The following PDE4D variants were observed in gnomAD, a reference collection of about 807,000 sequenced individuals.
The protein encoded by PDE4D is 3',5'-cyclic-AMP phosphodiesterase 4D.
In PDE4D, 24 loss-of-function variants were observed where a neutral mutation model predicts 87.4. The ratio of observed to expected loss-of-function variants is 0.27; its 90% CI spans 0.20 to 0.39. The LOEUF (loss-of-function observed/expected upper bound fraction) is 0.39. Among genes scored for constraint, PDE4D ranks in the 10% least tolerant of loss-of-function variants. PDE4D has a pLI of 1.00. For missense variants in PDE4D, 714 were observed against 1,041.0 expected (o/e 0.69, Z 4.32); for synonymous variants, 384 against 383.2 (o/e 1.00, Z -0.02).
intron 1 of PDE4D, among the ~76,000 whole-genome samples, chr5:59,283,896 C>A (rs2591651): frequency 1.3e-5 from 2 of 152,054 alleles, no homozygotes; most frequent in Non-Finnish European, 2.9e-5. Context: ...CCCACAGACA[C>A]TGTTTAGCTA....
At chr5:59,419,020 GTT>G (rs1276272912) in intron 1 of PDE4D, among the ~76,000 whole-genome samples, 1 of 152,118 alleles carries the variant, frequency 6.6e-6, no homozygotes, top group African/African-American at 2.4e-5. Context: ...TTTCTTATCA[GTT>G]GATGTGATAG....
intron 2 of PDE4D, among the ~76,000 whole-genome samples, chr5:60,036,648 T>C (rs1767837961): frequency 6.6e-6 from 1 of 152,224 alleles, no homozygotes; most frequent in Non-Finnish European, 1.5e-5. Flanking sequence ...TAATAAGTCC[T>C]GAGTCTCCTT....
At chr5:59,303,380 G>C (rs963277148) in intron 1 of PDE4D, among the ~76,000 whole-genome samples, 1 of 152,074 alleles carries the variant, frequency 6.6e-6, no homozygotes, top group Non-Finnish European at 1.5e-5. Flanking sequence ...CCCTGCAAAA[G>C]CTCGTAAAGT....
At chr5:60,210,266 A>G (rs976269535) in intron 1 of PDE4D, among the ~76,000 whole-genome samples, 14 of 152,126 alleles carry the variant, frequency 9.2e-5, no homozygotes, top group African/African-American at 3.4e-4. Context: ...TGGCAAAGAT[A>G]AACTGAGAAT....
intron 1 of PDE4D, among the ~76,000 whole-genome samples, chr5:59,773,441 T>A (rs1189970339): frequency 6.6e-6 from 1 of 152,182 alleles, no homozygotes; most frequent in Non-Finnish European, 1.5e-5. Flanking sequence ...CTTGATCTAG[T>A]TAACACTAAA....
intron 5 of PDE4D, among the ~76,000 whole-genome samples, chr5:59,169,250 G>A (rs932877374): frequency 6.6e-6 from 1 of 152,018 alleles, no homozygotes; most frequent in African/African-American, 2.4e-5. Context: ...ATTTTTTAAG[G>A]CTGAAATGGG....
intron 1 of PDE4D, chr5:59,275,307 A>C (rs758488809): frequency 1.3e-6 from 2 of 1,548,752 alleles, no homozygotes; most frequent in Non-Finnish European, 1.8e-6. Flanking sequence ...AAAAGAGAAA[A>C]GGGGAAAAGC....
At chr5:59,849,558 G>A (rs936415035) in intron 1 of PDE4D, among the ~76,000 whole-genome samples, 5 of 151,206 alleles carry the variant, frequency 3.3e-5, no homozygotes, top group African/African-American at 1.2e-4. Context: ...TTATTGACTT[G>A]TTTTAAAAAG....
chr5:59,124,798 G>A (rs1454949023), intron 5 of PDE4D, among the ~76,000 whole-genome samples: 1 of 152,128 alleles, frequency 6.6e-6, no homozygotes, highest in Non-Finnish European at 1.5e-5. Flanking sequence ...GGTTGTTCTG[G>A]AGAGGATGGA....
intron 2 of PDE4D, among the ~76,000 whole-genome samples, chr5:60,044,331 A>G (rs1768911420): frequency 6.6e-6 from 1 of 151,338 alleles, no homozygotes; most frequent in East Asian, 2.0e-4. Context: ...CTGTTTCTTA[A>G]CATCTTTGAC....
At chr5:59,304,407 C>T (rs1226949339) in intron 1 of PDE4D, among the ~76,000 whole-genome samples, 1 of 152,100 alleles carries the variant, frequency 6.6e-6, no homozygotes, top group African/African-American at 2.4e-5. Flanking sequence ...TGTCTGATTG[C>T]TCTTGCTAGG....
At chr5:60,077,002 T>C (rs1452015500) in intron 2 of PDE4D, among the ~76,000 whole-genome samples, 1 of 152,132 alleles carries the variant, frequency 6.6e-6, no homozygotes, top group African/African-American at 2.4e-5. Flanking sequence ...AGCATGGGGT[T>C]GAAGTGCTGA....
At chr5:60,199,384 C>T (rs1741643068) in intron 1 of PDE4D, among the ~76,000 whole-genome samples, 1 of 151,672 alleles carries the variant, frequency 6.6e-6, no homozygotes, top group Non-Finnish European at 1.5e-5. Flanking sequence ...GTGTGGCACC[C>T]ATCTGGCACC....
chr5:59,956,131 G>A (rs1758807627), intron 3 of PDE4D, among the ~76,000 whole-genome samples: 1 of 152,154 alleles, frequency 6.6e-6, no homozygotes, highest in Admixed American at 6.5e-5. Flanking sequence ...CAGGTGAGTG[G>A]CCCAGGTCTT....
chr5:60,317,979 G>C (rs548059386), intron 1 of PDE4D, among the ~76,000 whole-genome samples: 17 of 152,352 alleles, frequency 1.1e-4, no homozygotes, highest in Non-Finnish European at 1.8e-4. Context: ...TTGGGGTGGA[G>C]AGTTCTGTAG....
intron 1 of PDE4D, among the ~76,000 whole-genome samples, chr5:59,754,749 G>C (rs1480415113): frequency 1.4e-5 from 2 of 141,556 alleles, no homozygotes; most frequent in African/African-American, 2.6e-5. Flanking sequence ...CTCTTTGGAA[G>C]TAAAACTTGG....
chr5:59,704,600 C>A (rs908687244), intron 1 of PDE4D, among the ~76,000 whole-genome samples: 1 of 152,164 alleles, frequency 6.6e-6, no homozygotes, highest in African/African-American at 2.4e-5. Context: ...CTCAGAGAAT[C>A]CACTTATTGG....
At chr5:60,366,979 A>G (rs796861825) in intron 1 of PDE4D, among the ~76,000 whole-genome samples, 6 of 152,292 alleles carry the variant, frequency 3.9e-5, no homozygotes, top group African/African-American at 1.4e-4. Context: ...CACCAGACCA[A>G]GAGAGGAGAA....
chr5:59,885,705 A>C (rs1275527692), intron 1 of PDE4D, among the ~76,000 whole-genome samples: 1 of 149,158 alleles, frequency 6.7e-6, no homozygotes, highest in East Asian at 1.9e-4. Flanking sequence ...ATCCCATCAG[A>C]GTTATTTTCA....
Sources: allele counts gnomAD v4.1 joint callset (sites outside exome capture counted in the v4.1 genomes callset), GRCh38; gene constraint gnomAD v4.1.1; transcripts MANE v1.5; gene names NCBI Gene and HGNC (gene_info 2026-07-23, HGNC 2026-07-21).